DMKN: variants seen among roughly 807,000 people sequenced by gnomAD.
DMKN encodes epidermis-specific secreted protein SK30/SK89.
Under a neutral mutation model 67.6 loss-of-function variants are expected in DMKN, and 58 were observed. That is an observed-to-expected ratio of 0.86 (90% CI 0.69 to 1.07). The LOEUF is 1.07. DMKN is among the 50% of genes least tolerant of loss of function. The probability of loss-of-function intolerance (pLI) is 0.00; values close to 1 mark genes in which losing one functional copy is unlikely to be tolerated. For synonymous variants in DMKN, 240 were observed against 232.3 expected (o/e 1.03, Z -0.30); for missense variants, 596 against 601.5 (o/e 0.99, Z 0.10).
At chr19:35,501,954 C>A in intron 11 of DMKN, 182 bp downstream of exon 11, 1 of 1,551,812 alleles carries the variant, frequency 6.4e-7, no homozygotes. Flanking sequence ...CTAGGGAGGT[C>A]CTCCCACCCT....
chr19:35,507,888 CA>C (rs2069892715), intron 7 of DMKN: 1 of 441,202 alleles, frequency 2.3e-6, no homozygotes, highest in African/African-American at 2.0e-5. Context: ...TAAATTGATT[CA>C]AACTGAAGGA....
At chr19:35,500,187 G>T in intron 12 of DMKN, 158 bp from the exon 13 acceptor site, 1 of 1,154,244 alleles carries the variant, frequency 8.7e-7, no homozygotes, top group Non-Finnish European at 1.2e-6. Flanking sequence ...ATCTCCTCCA[G>T]CCAGCCAGGG....
At chr19:35,503,363 T>G in intron 9 of DMKN, 1 of 1,548,016 alleles carries the variant, frequency 6.5e-7, no homozygotes, top group Non-Finnish European at 8.7e-7. Context: ...GAGAGGGTGG[T>G]GTTTTAAGGA....
At chr19:35,501,937 T>C (rs570645486) in intron 11 of DMKN, 199 bp downstream of exon 11, 2 of 1,558,784 alleles carry the variant, frequency 1.3e-6, no homozygotes, top group East Asian at 4.8e-5. Flanking sequence ...CGGCCTCGGC[T>C]TTTATGCTAG....
chr19:35,499,001 C>T lies in DMKN; in HGVS notation c.1360-104G>A, dbSNP rs1038965074. 1.3e-5 allele frequency: 20 copies of T among 1,544,000 alleles called. No homozygotes were observed. In the Admixed American group the frequency reaches 3.1e-4, roughly 24 times the overall value. On this transcript the variant is annotated intron_variant, in intron 13 of 15. Transcript: ENST00000339686. ...CCCAGCAGCAAGGGCAGGCTCACACCAGGGCTATCACCAAGGTTTTCCAGT... is the reference window on the plus strand; with the variant it reads ...CCCAGCAGCAAGGGCAGGCTCACACTAGGGCTATCACCAAGGTTTTCCAGT...
chr19:35,499,889 G>A, intron 13 of DMKN, 69 bp downstream of exon 13: 4 of 1,565,416 alleles, frequency 2.6e-6, no homozygotes, highest in Non-Finnish European at 3.5e-6. Flanking sequence ...GACCCCGGCA[G>A]TGAAAGCCTC....
chr19:35,512,387 G>T (rs751187047), intron 3 of DMKN, 34 bp downstream of exon 3: 1 of 1,611,370 alleles, frequency 6.2e-7, no homozygotes, highest in Admixed American at 1.7e-5. Context: ...GCACCCAGTG[G>T]CTTCTTCATT....
chr19:35,511,779 C>G lies in DMKN; in HGVS notation c.719G>C (p.Gly240Ala), dbSNP rs1405700730. The G allele has an allele frequency of 1.9e-6, 3 of 1,613,178 alleles. No homozygotes were observed. Among genetic ancestry groups the G allele is most frequent in the African/African-American group, 2.7e-5 (2 of 74,912 alleles). Residue 240 changes from glycine (G) to alanine (A), a missense_variant, in exon 4 of 16, where the codon GGC becomes GCC. Physicochemically the swap from Gly to Ala is moderately conservative, Grantham distance 60. Transcript: ENST00000339686. ...TCCACTCACCCCAGAGTTGCTGGAG[C>G]CTCCACCTGAGCCAGATGGTGGGGG... ...TNPPPSGSGG[G>A]SSNSGGGSGS...
intron 15 of DMKN, 190 bp downstream of exon 15, chr19:35,498,526 G>T: frequency 1.4e-6 from 1 of 737,670 alleles, no homozygotes; most frequent in Non-Finnish European, 2.2e-6. Context: ...ACTTTATTAT[G>T]GGTCTTTCTC....
chr19:35,505,808 A>C, intron 8 of DMKN, 43 bp from the exon 9 acceptor site: 2 of 1,614,058 alleles, frequency 1.2e-6, no homozygotes, highest in South Asian at 2.2e-5. Context: ...TTGAGTCATA[A>C]GGTAATTGGC....
chr19:35,512,960 G>A, intron 1 of DMKN, 90 bp downstream of exon 1: 1 of 1,567,500 alleles, frequency 6.4e-7, no homozygotes, highest in Non-Finnish European at 8.6e-7. Context: ...GCAAGTAAGA[G>A]ATCCATCCAT....
In DMKN at chr19:35,502,856, G is replaced by C. The variant is rs1043832292; in HGVS notation, c.1165C>G (p.Leu389Val). The change falls in exon 10 of 16, where the codon CTC (leucine) becomes GTC (valine). Residue 389 changes from leucine to valine, a missense_variant. Leu to Val is a conservative substitution (Grantham distance 32). Coordinates refer to ENST00000339686, the MANE Select transcript of DMKN (RefSeq NM_033317.5). ...TCCCAGAGTCGGCTGAAGTAGAGGA[G>C]GGCTCGGGTGCTGGGGGGCGGGACC... ...NQVPPPSTRA[L>V]LYFSRLWEDF... is the part of the protein sequence containing the mutation. 1 of 1,614,120 alleles carries C rather than the reference G, an allele frequency of 6.2e-7. No individual in the cohort carries two copies. Among genetic ancestry groups the C allele is most frequent in the Non-Finnish European group, 8.5e-7 (1 of 1,180,010 alleles).
intron 15 of DMKN, 164 bp downstream of exon 15, chr19:35,498,552 G>A (rs2067829278): frequency 2.2e-6 from 2 of 923,838 alleles, no homozygotes; most frequent in East Asian, 2.6e-5. Flanking sequence ...CCCACCATGA[G>A]GTCCCCTCTT....
intron 5 of DMKN, among the ~76,000 whole-genome samples, chr19:35,510,860 G>T (rs1185840259): frequency 6.6e-6 from 1 of 152,208 alleles, no homozygotes; most frequent in Non-Finnish European, 1.5e-5. Context: ...TGGAGAGACT[G>T]CCGGCTCTGG....
rs765556258 is a variant in DMKN, at chr19:35,500,376, A to C, written c.1287+157T>G. 6.3e-5 allele frequency: 97 copies of C among 1,551,588 alleles called. No homozygotes were observed. In the Admixed American group the frequency reaches 1.9e-3, roughly 30 times the overall value. On this transcript the variant is annotated intron_variant, in intron 12 of 15. Transcript: ENST00000339686. ...CCAGCGGGTCCATGGTAGATGTCTCACCTTGGAAGTTACAGCTGCCACCTC... is the reference window on the plus strand; with the variant it reads ...CCAGCGGGTCCATGGTAGATGTCTCCCCTTGGAAGTTACAGCTGCCACCTC...
chr19:35,502,995 G>A, intron 9 of DMKN, 109 bp from the exon 10 acceptor site: 1 of 1,277,714 alleles, frequency 7.8e-7, no homozygotes, highest in African/African-American at 1.5e-5. Flanking sequence ...TGTGACTAAG[G>A]TTGGGGATGG....
At chr19:35,502,640 GT>G (rs1378270501) in intron 10 of DMKN, among the ~76,000 whole-genome samples, 189 bp downstream of exon 10, 1 of 152,006 alleles carries the variant, frequency 6.6e-6, no homozygotes, top group Non-Finnish European at 1.5e-5. Flanking sequence ...GGAGGCAGGA[GT>G]TTGCAGTGAG....
chr19:35,499,799 AC>A, intron 13 of DMKN, 158 bp downstream of exon 13: 1 of 678,510 alleles, frequency 1.5e-6, no homozygotes, highest in Non-Finnish European at 2.5e-6. Flanking sequence ...GTCTCAGGGA[AC>A]CCGAGTCTCC....
At chr19:35,507,567 G>A (rs896942523) in intron 7 of DMKN, 45 of 1,465,630 alleles carry the variant, frequency 3.1e-5, no homozygotes, top group Middle Eastern at 1.8e-4. Context: ...GCAGGGGGAC[G>A]AGAGGGCAAG....
Sources: gnomAD v4.1 joint callset for allele counts (sites outside exome capture counted in the v4.1 genomes callset) on GRCh38, gnomAD v4.1.1 for gene constraint, MANE v1.5 for transcripts, NCBI Gene and HGNC (gene_info 2026-07-23, HGNC 2026-07-21) for gene names.